STAG2: variants seen among roughly 807,000 people sequenced by gnomAD.
The protein encoded by STAG2 is STAG2 cohesin complex component.
In STAG2, 14 loss-of-function variants were observed where a neutral mutation model predicts 108.1. The ratio of observed to expected loss-of-function variants is 0.13; its 90% CI spans 0.09 to 0.20. The LOEUF (loss-of-function observed/expected upper bound fraction) is 0.20, where lower values mean the gene tolerates loss of function less well. Among genes scored for constraint, STAG2 ranks in the 10% least tolerant of loss-of-function variants. The pLI, the probability that STAG2 is intolerant of heterozygous loss-of-function variation, is 1.00. For missense variants in STAG2, 440 were observed against 940.9 expected (o/e 0.47, Z 6.96); for synonymous variants, 307 against 302.7 (o/e 1.01, Z -0.15).
Position 124,095,374 on chromosome X carries a change from A to G in STAG2, c.3708A>G (p.Pro1236=), listed in dbSNP as rs767974397. The G allele has an allele frequency of 1.1e-5, 13 of 1,206,412 alleles. No homozygotes were observed. The South Asian group carries it at 2.1e-4, about 20-fold the overall frequency. ...MDFDTMDIDL[P]PSKNRRERTE... ...ACTTATTTCCTTTTTTCCTTTAGCC[A>G]CCATCAAAGAACAGACGAGAGAGAA... Residue 1236 remains proline, a splice_region_variant and synonymous_variant, in exon 34 of 35, where the codon CCA becomes CCG. Transcript: ENST00000371145.
chrX:124,014,102 A>G (rs763676226), intron 1 of STAG2, among the ~76,000 whole-genome samples: 2 of 111,443 alleles, frequency 1.8e-5, no homozygotes, highest in Admixed American at 1.9e-4. Context: ...AAAACTAGGA[A>G]TATTGCTGTG....
At chrX:124,072,905 T>TTTCTTTCTTTCTTTC (rs199861915) in intron 25 of STAG2, among the ~76,000 whole-genome samples, 2 of 47,334 alleles carry the variant, frequency 4.2e-5, no homozygotes, top group African/African-American at 1.6e-4. Context: ...TCTTTCTTTC[T>TTTCTTTCTTTCTTTC]TTTTTTTTTT....
At chrX:124,051,825 C>T (rs1038173178) in intron 13 of STAG2, among the ~76,000 whole-genome samples, 10 of 111,545 alleles carry the variant, frequency 9.0e-5, no homozygotes, top group Admixed American at 6.6e-4. Flanking sequence ...CTCCTGACCT[C>T]GTGATCCGCC....
chrX:124,089,899 A>G (rs1032706272), intron 30 of STAG2, among the ~76,000 whole-genome samples: 2 of 110,393 alleles, frequency 1.8e-5, no homozygotes, highest in African/African-American at 6.6e-5. Context: ...GATGTCTCAC[A>G]CTTGTAATCC....
intron 1 of STAG2, chrX:123,963,033 TTGA>T: frequency 8.9e-6 from 1 of 112,273 alleles, no homozygotes; most frequent in Middle Eastern, 4.6e-3. Flanking sequence ...TCGAGGTTTC[TTGA>T]TGAAACCTAG....
chrX:124,035,140 T>C lies in STAG2; in HGVS notation c.289-2387T>C, dbSNP rs772599782. 6.3e-5 allele frequency among the ~76,000 whole-genome samples: 7 copies of C among 110,817 alleles called. No individual in the cohort carries two copies. In the East Asian group the frequency reaches 1.4e-3, roughly 22 times the overall value. ...TGTCTCTCTCAGTAATTATAAGTGA[T>C]AGTCAATAAATGCAAGAATGGCTGT... is the stretch of plus-strand genomic sequence containing the variant. On this transcript the variant is annotated intron_variant, in intron 5 of 34. Coordinates refer to ENST00000371145, the MANE Select transcript of STAG2 (RefSeq NM_001042750.2).
intron 1 of STAG2, among the ~76,000 whole-genome samples, chrX:124,015,812 A>G (rs182895377): frequency 8.9e-6 from 1 of 112,240 alleles, no homozygotes; most frequent in African/African-American, 3.2e-5. Flanking sequence ...AATGATAGTA[A>G]CTTTCCTGTT....
chrX:124,042,357 G>T (rs150428919), intron 6 of STAG2, among the ~76,000 whole-genome samples: 1 of 111,804 alleles, frequency 8.9e-6, no homozygotes, highest in Non-Finnish European at 1.9e-5. Context: ...AGAAGTATGG[G>T]GCTGTTTTCT....
intron 4 of STAG2, 132 bp from the exon 5 acceptor site, chrX:124,030,829 G>T: frequency 6.3e-6 from 4 of 638,950 alleles, no homozygotes; most frequent in East Asian, 4.2e-5. Flanking sequence ...ATATCATTTT[G>T]TTATAAGTGG....
intron 1 of STAG2, among the ~76,000 whole-genome samples, chrX:124,012,744 A>C (rs1321533283): frequency 8.9e-6 from 1 of 112,153 alleles, no homozygotes; most frequent in Non-Finnish European, 1.9e-5. Flanking sequence ...TTTTGGGTTA[A>C]AATTTTTCAT....
intron 1 of STAG2, among the ~76,000 whole-genome samples, chrX:123,973,243 A>G (rs180686408): frequency 4.8e-4 from 53 of 110,541 alleles, no homozygotes; most frequent in Admixed American, 1.8e-3. Flanking sequence ...GCTGGTATTT[A>G]AAGTACTTAT....
intron 30 of STAG2, 78 bp from the exon 31 acceptor site, chrX:124,090,497 T>C: frequency 1.2e-6 from 1 of 825,963 alleles, no homozygotes; most frequent in South Asian, 2.5e-5. Flanking sequence ...CAGATGTTTA[T>C]TGACCTGAAC....
intron 6 of STAG2, among the ~76,000 whole-genome samples, chrX:124,040,414 T>C (rs1026688567): frequency 3.6e-5 from 4 of 111,075 alleles, no homozygotes; most frequent in Non-Finnish European, 5.6e-5. Context: ...TTACCGGATT[T>C]TAGCAGTCTT....
chrX:124,018,290 G>A (rs2056798742), intron 1 of STAG2, among the ~76,000 whole-genome samples: 1 of 112,282 alleles, frequency 8.9e-6, no homozygotes, highest in South Asian at 3.7e-4. Flanking sequence ...CCGCAATAGT[G>A]CAGAAATTGT....
intron 6 of STAG2, among the ~76,000 whole-genome samples, chrX:124,039,393 C>T (rs929894883): frequency 3.7e-5 from 4 of 109,588 alleles, no homozygotes; most frequent in Non-Finnish European, 7.6e-5. Context: ...AAGTGATCCT[C>T]TTGCCTCATC....
intron 6 of STAG2, 65 bp downstream of exon 6, chrX:124,037,688 G>C: frequency 1.5e-6 from 1 of 655,001 alleles, no homozygotes; most frequent in Non-Finnish European, 2.3e-6. Context: ...CACCTAAAGA[G>C]ATGTTGTTAG....
chrX:124,031,184 A>G (rs1456199713), intron 5 of STAG2, 59 bp downstream of exon 5: 1 of 1,093,877 alleles, frequency 9.1e-7, no homozygotes, highest in African/African-American at 1.9e-5. Context: ...AATGAGTTAT[A>G]TAGAGTGTAG....
At chrX:123,974,227 T>C in intron 1 of STAG2, among the ~76,000 whole-genome samples, 1 of 102,958 alleles carries the variant, frequency 9.7e-6, no homozygotes, top group East Asian at 3.1e-4. Flanking sequence ...ATCTTTTCTT[T>C]TCTTTTTTCT....
intron 1 of STAG2, among the ~76,000 whole-genome samples, chrX:123,975,540 G>A (rs950373771): frequency 8.9e-6 from 1 of 111,839 alleles, no homozygotes; most frequent in Non-Finnish European, 1.9e-5. Context: ...TCAGCTCACC[G>A]GCAACCTCCG....
Sources: allele counts gnomAD v4.1 joint callset (sites outside exome capture counted in the v4.1 genomes callset), GRCh38; gene constraint gnomAD v4.1.1; transcripts MANE v1.5; gene names NCBI Gene and HGNC (gene_info 2026-07-23, HGNC 2026-07-21).